HSPA4: variants seen among roughly 807,000 people sequenced by gnomAD.
The protein encoded by HSPA4 is heat shock protein family A (Hsp70) member 4.
HSPA4 carries 25 observed loss-of-function variants against 106.2 expected under a neutral mutation model. That is an observed-to-expected ratio of 0.24 (90% CI 0.17 to 0.33). HSPA4 has a LOEUF of 0.33. HSPA4 is among the 10% of genes least tolerant of loss of function. The pLI, the probability that HSPA4 is intolerant of heterozygous loss-of-function variation, is 1.00. For synonymous variants in HSPA4, 332 were observed against 333.6 expected, an observed-to-expected ratio of 1.00 and a Z score of 0.05; for missense variants, 841 against 996.0, an observed-to-expected ratio of 0.84 and a Z score of 2.10.
chr5:133,088,973 A>G (rs1765612186), intron 9 of HSPA4, 82 bp from the exon 10 acceptor site: 8 of 645,462 alleles, frequency 1.2e-5, no homozygotes, highest in Non-Finnish European at 1.8e-5. Flanking sequence ...GATTTTCTGA[A>G]GTAATTTGTA....
At chr5:133,064,572 C>T (rs147177416) in intron 1 of HSPA4, among the ~76,000 whole-genome samples, 101 of 151,698 alleles carry the variant, frequency 6.7e-4, no homozygotes, top group Non-Finnish European at 1.1e-3. Flanking sequence ...TTTAATAGGG[C>T]GAGAGTTGTT....
chr5:133,104,662 C>G lies in HSPA4; in HGVS notation c.*226C>G, dbSNP rs1412918532. On this transcript the variant is annotated 3_prime_UTR_variant, in exon 19 of 19. Coordinates refer to ENST00000304858, the MANE Select transcript of HSPA4 (RefSeq NM_002154.4). ...TTTCATAATGGTACTATTTAGAAGC[C>G]CAGTTAGTCTTACTGAGCTTATGCT... The G allele has an allele frequency of 1.2e-5, 6 of 505,652 alleles. No homozygotes were observed. The highest frequency in any genetic ancestry group is 2.1e-5 in the Non-Finnish European group (6 of 282,104). 31.3% of individuals were successfully genotyped at this position (505,652 alleles called of 1,614,324 possible). A position where few individuals can be genotyped will look rare whatever the true frequency, so the allele number is the denominator to read the frequency against.
chr5:133,073,985 T>C lies in HSPA4; in HGVS notation c.530-8T>C. The C allele has an allele frequency of 6.4e-7, 1 of 1,554,170 alleles. No homozygotes were observed. The highest frequency in any genetic ancestry group is 8.6e-7 in the Non-Finnish European group (1 of 1,157,530). On this transcript the variant is annotated splice_polypyrimidine_tract_variant and splice_region_variant and intron_variant, in intron 5 of 18. Coordinates refer to ENST00000304858, the MANE Select transcript of HSPA4 (RefSeq NM_002154.4). ...TTATTTTTAATTTTTGTGTTTTTTC[T>C]TCTGTAGTTGCTCTTGCATATGGAA... is the stretch of plus-strand genomic sequence containing the variant.
intron 1 of HSPA4, among the ~76,000 whole-genome samples, chr5:133,053,650 C>G (rs1765113265): frequency 6.6e-6 from 1 of 151,578 alleles, no homozygotes; most frequent in Non-Finnish European, 1.5e-5. Context: ...GTGCCCTGCC[C>G]AGGGGCTCAC....
At chr5:133,065,892 C>A (rs1043550087) in intron 2 of HSPA4, among the ~76,000 whole-genome samples, 1 of 152,190 alleles carries the variant, frequency 6.6e-6, no homozygotes. Flanking sequence ...GTTTGACCTT[C>A]TTATGGTTCA....
intron 8 of HSPA4, among the ~76,000 whole-genome samples, chr5:133,087,379 G>A (rs1765589690): frequency 6.6e-6 from 1 of 152,050 alleles, no homozygotes; most frequent in South Asian, 2.1e-4. Context: ...ATTTCAGAGT[G>A]TTGGGATATA....
intron 7 of HSPA4, among the ~76,000 whole-genome samples, chr5:133,082,849 C>G (rs1394938195): frequency 6.6e-6 from 1 of 152,006 alleles, no homozygotes; most frequent in Admixed American, 6.6e-5. Flanking sequence ...CAAAAAACCT[C>G]TACTGTCCAG....
intron 3 of HSPA4, 58 bp downstream of exon 3, chr5:133,067,615 C>T (rs1765324704): frequency 1.5e-6 from 2 of 1,365,026 alleles, no homozygotes; most frequent in Non-Finnish European, 2.0e-6. Context: ...TTTATCAGTT[C>T]AATATCTATC....
intron 1 of HSPA4, among the ~76,000 whole-genome samples, chr5:133,058,146 C>G (rs1355265327): frequency 1.3e-5 from 2 of 152,030 alleles, no homozygotes; most frequent in Admixed American, 6.6e-5. Flanking sequence ...TATCCCAGCA[C>G]TTTGGGAGGC....
Position 133,052,375 on chromosome 5 carries a change from C to T in HSPA4, c.107+18C>T. The T allele has an allele frequency of 1.4e-6, 2 of 1,462,708 alleles. No individual in the cohort carries two copies. Among genetic ancestry groups the T allele is most frequent in the Non-Finnish European group, 1.9e-6 (2 of 1,079,782 alleles). 90.6% of individuals were successfully genotyped at this position (1,462,708 alleles called of 1,614,324 possible). A position where few individuals can be genotyped will look rare whatever the true frequency, so the allele number is the denominator to read the frequency against. On this transcript the variant is annotated intron_variant, in intron 1 of 18. Transcript: ENST00000304858. ...TGCACGCCGTAAGTGTGGGCCGGGCCTGCCGCGTGCACTGGGGTTAGGAGA... is the reference window on the plus strand; with the variant it reads ...TGCACGCCGTAAGTGTGGGCCGGGCTTGCCGCGTGCACTGGGGTTAGGAGA...
At chr5:133,068,775 AATAGG>A (rs1169662234) in intron 3 of HSPA4, among the ~76,000 whole-genome samples, 2 of 151,920 alleles carry the variant, frequency 1.3e-5, no homozygotes, top group Admixed American at 6.5e-5. Flanking sequence ...GAAATAAAGA[AATAGG>A]ATAGGTATTG....
chr5:133,093,046 G>A (rs1400124928), intron 13 of HSPA4, among the ~76,000 whole-genome samples: 1 of 150,358 alleles, frequency 6.7e-6, no homozygotes, highest in East Asian at 2.0e-4. Context: ...GGCTAGGCAG[G>A]TCTCGAACTT....
intron 8 of HSPA4, 146 bp from the exon 9 acceptor site, chr5:133,088,258 T>A (rs1765602692): frequency 3.3e-6 from 2 of 603,716 alleles, no homozygotes; most frequent in East Asian, 5.6e-5. Flanking sequence ...CCTGCCTCTG[T>A]GAGTGTGGGC....
rs760627888 is a variant in HSPA4, at chr5:133,089,137, A to C, written c.1220A>C (p.Asn407Thr). The change falls in exon 10 of 19, where the codon AAT (asparagine) becomes ACT (threonine). Residue 407 changes from asparagine (N) to threonine (T), a missense_variant. Transcript: ENST00000304858. Reference sequence around the variant, plus strand: ...CCATATCCAATATCTCTGAGATGGAATTCTCCAGCTGAAGAAGGGTCAAGG... The same window carrying C: ...CCATATCCAATATCTCTGAGATGGACTTCTCCAGCTGAAGAAGGGTCAAGG... ...VVPYPISLRW[N>T]SPAEEGSSDC... 6.3e-7 allele frequency: 1 copy of C among 1,594,360 alleles called. No homozygotes were observed. The highest frequency in any genetic ancestry group is 2.2e-5 in the East Asian group (1 of 44,564).
At chr5:133,096,331 T>C in intron 14 of HSPA4, 81 bp downstream of exon 14, 1 of 1,322,898 alleles carries the variant, frequency 7.6e-7, no homozygotes, top group South Asian at 1.4e-5. Flanking sequence ...CTAGTGACTT[T>C]TTGCATTTTT....
Position 133,099,596 on chromosome 5 carries a change from G to A in HSPA4, c.1981G>A (p.Glu661Lys), listed in dbSNP as rs1158166864. Residue 661 changes from glutamate to lysine, a missense_variant, in exon 16 of 19, where the codon GAG becomes AAG. Glu to Lys is a moderately conservative substitution (Grantham distance 56). Around this residue, in one of 5 missense-constraint regions of HSPA4, gnomAD observed 328 missense variants for 372.2 expected, o/e 0.88. Coordinates refer to ENST00000304858, the MANE Select transcript of HSPA4 (RefSeq NM_002154.4). The stretch of plus-strand genomic sequence containing the variant: ...GGAAGATACTGAAAATTGGTTGTAT[G>A]AGGATGGAGAAGACCAGCCAAAGCA... Reference protein sequence around the residue: ...KLEDTENWLYEDGEDQPKQVY... With the variant: ...KLEDTENWLYKDGEDQPKQVY... 1 of 1,607,004 alleles carries A rather than the reference G, an allele frequency of 6.2e-7. No individual in the cohort carries two copies. The highest frequency in any genetic ancestry group is 2.2e-5 in the East Asian group (1 of 44,802).
intron 2 of HSPA4, among the ~76,000 whole-genome samples, chr5:133,066,040 G>C (rs1206765837): frequency 6.6e-6 from 1 of 152,160 alleles, no homozygotes; most frequent in Non-Finnish European, 1.5e-5. Context: ...CAGTGTTCGA[G>C]ATCTTTTAGG....
intron 1 of HSPA4, among the ~76,000 whole-genome samples, chr5:133,060,100 G>T (rs1765219931): frequency 6.9e-6 from 1 of 144,138 alleles, no homozygotes; most frequent in African/African-American, 2.7e-5. Context: ...AGATTTATTA[G>T]GATTACATAG....
At chr5:133,054,416 G>A (rs1765133409) in intron 1 of HSPA4, among the ~76,000 whole-genome samples, 3 of 151,844 alleles carry the variant, frequency 2.0e-5, no homozygotes, top group Non-Finnish European at 4.4e-5. Context: ...GTTGGCCAGG[G>A]TGGGCTCGAA....
Sources: gnomAD v4.1 joint callset for allele counts (sites outside exome capture counted in the v4.1 genomes callset) on GRCh38, gnomAD v4.1.1 for gene constraint, gnomAD v4.1.1 regional missense constraint, MANE v1.5 for transcripts, NCBI Gene and HGNC (gene_info 2026-07-23, HGNC 2026-07-21) for gene names.